The following IL1RAPL2 variants were observed in gnomAD, a reference collection of about 807,000 sequenced individuals.
The protein encoded by IL1RAPL2 is interleukin 1 receptor accessory protein like 2.
A neutral mutation model predicts 44.1 loss-of-function variants in IL1RAPL2; 3 were observed. The ratio of observed to expected loss-of-function variants is 0.07; its 90% CI spans 0.03 to 0.18. The LOEUF (loss-of-function observed/expected upper bound fraction) is 0.18, where lower values mean the gene tolerates loss of function less well. Ranked by LOEUF, IL1RAPL2 falls within the 10% of genes least tolerant of loss-of-function variation. IL1RAPL2 has a pLI of 1.00. For missense variants in IL1RAPL2, 391 were observed against 496.4 expected (o/e 0.79, Z 2.02); for synonymous variants, 181 against 178.8 (o/e 1.01, Z -0.10).
chrX:105,093,440 C>T (rs1294562374), intron 2 of IL1RAPL2, among the ~76,000 whole-genome samples: 1 of 111,097 alleles, frequency 9.0e-6, no homozygotes, highest in Non-Finnish European at 1.9e-5. Flanking sequence ...TATAGCCAGC[C>T]ATCCCATACA....
intron 1 of IL1RAPL2, among the ~76,000 whole-genome samples, chrX:104,573,817 T>C (rs1003987164): frequency 5.4e-5 from 6 of 112,108 alleles, no homozygotes; most frequent in Admixed American, 1.9e-4. Context: ...AAGTATATTA[T>C]GGATTTTAAG....
intron 2 of IL1RAPL2, among the ~76,000 whole-genome samples, chrX:105,164,895 A>G (rs981273532): frequency 8.9e-6 from 1 of 112,200 alleles, no homozygotes; most frequent in Non-Finnish European, 1.9e-5. Context: ...CAGTTTCTGG[A>G]ACATAGTATG....
intron 5 of IL1RAPL2, among the ~76,000 whole-genome samples, chrX:105,445,486 T>C (rs1233560415): frequency 9.0e-6 from 1 of 111,398 alleles, no homozygotes; most frequent in African/African-American, 3.3e-5. Flanking sequence ...GATGTATCAT[T>C]GGGCTATGTA....
intron 6 of IL1RAPL2, among the ~76,000 whole-genome samples, chrX:105,491,022 C>T (rs886724599): frequency 7.2e-5 from 8 of 111,515 alleles, no homozygotes; most frequent in Non-Finnish European, 1.3e-4. Context: ...CTTTTGAAAT[C>T]ATAAATTGTC....
chrX:105,532,293 C>A (rs1215126659), intron 6 of IL1RAPL2, among the ~76,000 whole-genome samples: 1 of 111,675 alleles, frequency 9.0e-6, no homozygotes, highest in Non-Finnish European at 1.9e-5. Context: ...TTGCACCTCC[C>A]TTCACCCAAA....
At chrX:105,323,829 T>C (rs2034914379) in intron 5 of IL1RAPL2, among the ~76,000 whole-genome samples, 1 of 108,411 alleles carries the variant, frequency 9.2e-6, no homozygotes, top group Non-Finnish European at 1.9e-5. Context: ...CGAGCTGAGA[T>C]TGCACCACTG....
intron 2 of IL1RAPL2, among the ~76,000 whole-genome samples, chrX:104,793,776 T>C (rs1228808350): frequency 9.0e-6 from 1 of 111,586 alleles, no homozygotes; most frequent in Non-Finnish European, 1.9e-5. Context: ...ACCATCACCA[T>C]TATAAAGATG....
intron 2 of IL1RAPL2, among the ~76,000 whole-genome samples, chrX:104,878,033 C>T (rs1419501492): frequency 4.5e-5 from 5 of 111,935 alleles, no homozygotes; most frequent in Non-Finnish European, 9.4e-5. Context: ...ACAGATATCT[C>T]TCTGCCAAGT....
chrX:104,832,231 C>T (rs745935372), intron 2 of IL1RAPL2, among the ~76,000 whole-genome samples: 45 of 111,768 alleles, frequency 4.0e-4, no homozygotes, highest in African/African-American at 1.4e-3. Context: ...AAAGTATTTT[C>T]GCTACAGCCA....
In IL1RAPL2 at chrX:104,636,195, C is replaced by T. The variant is rs1929800712; in HGVS notation, c.-19-22700C>T. On this transcript the variant is annotated intron_variant, in intron 1 of 10. Coordinates refer to ENST00000372582, the MANE Select transcript of IL1RAPL2 (RefSeq NM_017416.2). Reference sequence around the variant, plus strand: ...CAGCAAATGTTGCTGCCTGGTCGTTCCTCTGGAAGTTTTGTCTCAGAGGAG... The same window carrying T: ...CAGCAAATGTTGCTGCCTGGTCGTTTCTCTGGAAGTTTTGTCTCAGAGGAG... 4.5e-5 allele frequency among the ~76,000 whole-genome samples: 5 copies of T among 111,780 alleles called. No homozygotes were observed. The South Asian group carries it at 1.9e-3, about 42-fold the overall frequency.
At chrX:105,665,744 T>TG (rs1184269546) in intron 6 of IL1RAPL2, among the ~76,000 whole-genome samples, 13 of 91,756 alleles carry the variant, frequency 1.4e-4, no homozygotes, top group Admixed American at 6.7e-4. Context: ...GTTTTTTTGT[T>TG]TTTTTTTTTT....
chrX:105,188,860 T>C (rs1405152277), intron 2 of IL1RAPL2, among the ~76,000 whole-genome samples: 1 of 112,230 alleles, frequency 8.9e-6, no homozygotes, highest in Non-Finnish European at 1.9e-5. Flanking sequence ...TTTTTTCCAC[T>C]GACAGAACTT....
chrX:105,219,188 A>T, intron 3 of IL1RAPL2: 1 of 1,210,410 alleles, frequency 8.3e-7, no homozygotes, highest in Non-Finnish European at 1.1e-6. Flanking sequence ...AAGGCCTCCC[A>T]GTCGGAAGGC....
At chrX:104,625,430 G>T (rs1440301667) in intron 1 of IL1RAPL2, among the ~76,000 whole-genome samples, 1 of 111,464 alleles carries the variant, frequency 9.0e-6, no homozygotes, top group Non-Finnish European at 1.9e-5. Flanking sequence ...TGTTCTAGTG[G>T]TTACTTTTTT....
intron 2 of IL1RAPL2, among the ~76,000 whole-genome samples, chrX:104,832,350 A>C (rs1051884669): frequency 9.0e-6 from 1 of 111,702 alleles, no homozygotes; most frequent in Non-Finnish European, 1.9e-5. Context: ...TATTAAAAGT[A>C]GCTAATATCT....
At chrX:105,043,839 C>T (rs1422545100) in intron 2 of IL1RAPL2, among the ~76,000 whole-genome samples, 1 of 111,429 alleles carries the variant, frequency 9.0e-6, no homozygotes, top group African/African-American at 3.3e-5. Flanking sequence ...TGAAAAGTTC[C>T]CCAGTTTACT....
intron 1 of IL1RAPL2, among the ~76,000 whole-genome samples, chrX:104,577,019 A>G (rs900484671): frequency 1.8e-5 from 2 of 111,715 alleles, no homozygotes; most frequent in African/African-American, 6.5e-5. Context: ...CTCAGACTAC[A>G]TTTTTCCATT....
At chrX:105,103,035 T>C (rs1287093649) in intron 2 of IL1RAPL2, among the ~76,000 whole-genome samples, 1 of 111,536 alleles carries the variant, frequency 9.0e-6, no homozygotes, top group African/African-American at 3.3e-5. Flanking sequence ...ACATGTTCAG[T>C]TTGCCACCTT....
chrX:105,489,705 TTTCC>T (rs1278694212), intron 6 of IL1RAPL2, among the ~76,000 whole-genome samples: 51 of 108,772 alleles, frequency 4.7e-4, no homozygotes, highest in African/African-American at 1.1e-3. Context: ...TTTCTTTTTC[TTTCC>T]TTCCTTCCTT....
Sources: gnomAD v4.1 joint callset for allele counts (sites outside exome capture counted in the v4.1 genomes callset) on GRCh38, gnomAD v4.1.1 for gene constraint, MANE v1.5 for transcripts, NCBI Gene and HGNC (gene_info 2026-07-23, HGNC 2026-07-21) for gene names.